Variants in BABAM2 observed in about 807,000 individuals in gnomAD.
BABAM2 encodes BRISC and BRCA1 A complex member 2, also known as BRISC and BRCA1-A complex member 2.
Under a neutral mutation model 54.7 loss-of-function variants are expected in BABAM2, and 31 were observed. The ratio of observed to expected loss-of-function variants is 0.57; its 90% CI spans 0.43 to 0.77. The LOEUF is 0.77. BABAM2 is among the 30% of genes least tolerant of loss of function. BABAM2 has a pLI of 0.00. For missense variants in BABAM2, 364 were observed against 455.8 expected (o/e 0.80, Z 1.83); for synonymous variants, 167 against 162.9 (o/e 1.03, Z -0.19).
At chr2:28,286,201 A>G (rs188641370) in intron 10 of BABAM2, among the ~76,000 whole-genome samples, 6 of 152,024 alleles carry the variant, frequency 3.9e-5, no homozygotes, top group Admixed American at 1.3e-4. Flanking sequence ...TGATCCACCC[A>G]TCTCGGCCTC....
At chr2:28,146,846 A>G (rs1671536521) in intron 7 of BABAM2, among the ~76,000 whole-genome samples, 1 of 152,180 alleles carries the variant, frequency 6.6e-6, no homozygotes, top group African/African-American at 2.4e-5. Flanking sequence ...AAAAGCTAAT[A>G]TGGGACTTTT....
At chr2:28,278,143 G>A (rs1391892621) in intron 10 of BABAM2, among the ~76,000 whole-genome samples, 1 of 152,176 alleles carries the variant, frequency 6.6e-6, no homozygotes, top group East Asian at 1.9e-4. Context: ...GGAAAGAAAT[G>A]CACCTAGTTA....
intron 5 of BABAM2, among the ~76,000 whole-genome samples, chr2:28,033,286 G>A (rs181755711): frequency 9.2e-5 from 14 of 152,086 alleles, no homozygotes; most frequent in Admixed American, 9.2e-4. Context: ...TGTCATGGAT[G>A]TGTGTATCAG....
At chr2:28,164,461 C>G (rs957185543) in intron 7 of BABAM2, among the ~76,000 whole-genome samples, 73 of 151,964 alleles carry the variant, frequency 4.8e-4, no homozygotes, top group African/African-American at 1.7e-3. Context: ...GTCAAGGGCT[C>G]TGTCATGTTC....
At chr2:28,022,678 T>C (rs1003561110) in intron 4 of BABAM2, among the ~76,000 whole-genome samples, 2 of 152,194 alleles carry the variant, frequency 1.3e-5, no homozygotes, top group Non-Finnish European at 2.9e-5. Flanking sequence ...GATTTCTTCC[T>C]TCAAGCATTA....
intron 7 of BABAM2, among the ~76,000 whole-genome samples, chr2:28,218,701 C>T (rs964971171): frequency 2.0e-5 from 3 of 152,052 alleles, no homozygotes; most frequent in Non-Finnish European, 4.4e-5. Flanking sequence ...ATAAGAACTC[C>T]GTGGAGTGAT....
At chr2:27,909,857 G>C (rs745459348) in intron 2 of BABAM2, among the ~76,000 whole-genome samples, 9 of 152,126 alleles carry the variant, frequency 5.9e-5, no homozygotes, top group Non-Finnish European at 1.2e-4. Context: ...CTATGACATT[G>C]GTTAACATAA....
chr2:28,057,556 T>C (rs2148632829), intron 6 of BABAM2, among the ~76,000 whole-genome samples: 1 of 152,228 alleles, frequency 6.6e-6, no homozygotes. Flanking sequence ...ACCCACATCT[T>C]AAAGGTGCCA....
chr2:28,076,612 C>T (rs1306965892), intron 6 of BABAM2, among the ~76,000 whole-genome samples: 1 of 152,046 alleles, frequency 6.6e-6, no homozygotes, highest in Non-Finnish European at 1.5e-5. Context: ...TCTCCTGCCT[C>T]AGCCTCCCGA....
In BABAM2 at chr2:27,995,462, G is replaced by A. The variant is rs1466462882; in HGVS notation, c.300+7375G>A. Reference sequence around the variant, plus strand: ...GCCCCCGCTTCATAAACAGGGTAAAGCAGAATGGCTTTGGGAGATGAGAGG... The same window carrying A: ...GCCCCCGCTTCATAAACAGGGTAAAACAGAATGGCTTTGGGAGATGAGAGG... On this transcript the variant is annotated intron_variant, in intron 4 of 11. Coordinates refer to ENST00000379624, the MANE Select transcript of BABAM2 (RefSeq NM_199191.3). This position sits in a 1 kb window ranked among gnomAD's most constrained non-coding sequence, Gnocchi z 4.1. Among the ~76,000 whole-genome samples, 1 of 152,124 alleles carries A rather than the reference G, an allele frequency of 6.6e-6. No homozygotes were observed. Among genetic ancestry groups the A allele is most frequent in the African/African-American group, 2.4e-5 (1 of 41,428 alleles).
At chr2:28,208,671 A>G (rs1679139755) in intron 7 of BABAM2, among the ~76,000 whole-genome samples, 2 of 138,146 alleles carry the variant, frequency 1.4e-5, no homozygotes, top group African/African-American at 5.6e-5. Context: ...TCTCTTGCAC[A>G]TCTGCATGAG....
rs906912924 is a variant in BABAM2, at chr2:28,206,558, G to A, written c.681-30644G>A. Among the ~76,000 whole-genome samples the A allele has an allele frequency of 7.9e-5, 12 of 152,176 alleles. No homozygotes were observed. The South Asian group carries it at 1.7e-3, about 21-fold the overall frequency. ...GTTACTGACTGATGAGGTGGTGAGC[G>A]GAGGCTGAAACCCCACCAGTGCTCC... On this transcript the variant is annotated intron_variant, in intron 7 of 11. Transcript: ENST00000379624.
chr2:28,016,309 C>G (rs1388124544), intron 4 of BABAM2: 1 of 1,046,004 alleles, frequency 9.6e-7, no homozygotes, highest in East Asian at 2.4e-5. Context: ...CACATTCAAC[C>G]AAACTCTTGG....
intron 6 of BABAM2, among the ~76,000 whole-genome samples, chr2:28,121,661 C>T (rs1299557318): frequency 1.3e-5 from 2 of 152,134 alleles, no homozygotes; most frequent in African/African-American, 4.8e-5. Context: ...TCATTTCCTC[C>T]TCATTCCTTA....
chr2:28,008,782 C>T (rs1310109010), intron 4 of BABAM2, among the ~76,000 whole-genome samples: 2 of 152,124 alleles, frequency 1.3e-5, no homozygotes, highest in African/African-American at 4.8e-5. Flanking sequence ...GATGATATTA[C>T]AGTTCTAGGC....
In BABAM2 at chr2:28,096,713, C is replaced by A. The variant is rs369432687; in HGVS notation, c.571-32558C>A. ...GTTTAAATTCTTCTTCCTTTCCTCT[C>A]TTCTTACCCTCCCCCACTCCCTTCC... On this transcript the variant is annotated intron_variant, in intron 6 of 11. Transcript: ENST00000379624. 4.6e-5 allele frequency among the ~76,000 whole-genome samples: 7 copies of A among 152,112 alleles called. No homozygotes were observed. In the South Asian group the frequency reaches 6.2e-4, roughly 14 times the overall value.
chr2:28,334,523 C>T (rs1459219574), intron 11 of BABAM2, among the ~76,000 whole-genome samples: 2 of 152,256 alleles, frequency 1.3e-5, no homozygotes, highest in Non-Finnish European at 2.9e-5. Context: ...ACTTAGGGAA[C>T]ATTCAGCCCT....
intron 6 of BABAM2, among the ~76,000 whole-genome samples, chr2:28,073,271 G>A (rs1231633087): frequency 1.3e-5 from 2 of 152,162 alleles, no homozygotes; most frequent in Admixed American, 1.3e-4. Flanking sequence ...GAGGCAGGAG[G>A]ATTGCTTGAG....
At chr2:27,974,026 C>T (rs981635213) in intron 3 of BABAM2, among the ~76,000 whole-genome samples, 2 of 152,100 alleles carry the variant, frequency 1.3e-5, no homozygotes, top group African/African-American at 4.8e-5. Context: ...AATCCTATAT[C>T]TGTTAAATAA....
Sources: allele counts gnomAD v4.1 joint callset (sites outside exome capture counted in the v4.1 genomes callset), GRCh38; gene constraint gnomAD v4.1.1; non-coding constraint Gnocchi (gnomAD v3.1); transcripts MANE v1.5; gene names NCBI Gene and HGNC (gene_info 2026-07-23, HGNC 2026-07-21).